The following TRAF7 variants were observed in gnomAD, a reference collection of about 807,000 sequenced individuals.
The protein encoded by TRAF7 is TNF receptor associated factor 7, also known as E3 ubiquitin-protein ligase TRAF7.
TRAF7 carries 45 observed loss-of-function variants against 89.3 expected under a neutral mutation model. The ratio of observed to expected loss-of-function variants is 0.50; its 90% CI spans 0.40 to 0.65. The LOEUF is 0.65. Ranked by LOEUF, TRAF7 falls within the 30% of genes least tolerant of loss-of-function variation. The pLI, the probability that TRAF7 is intolerant of heterozygous loss-of-function variation, is 0.00. For missense variants in TRAF7, 677 were observed against 918.1 expected, an observed-to-expected ratio of 0.74 and a Z score of 3.39; for synonymous variants, 406 against 369.2, an observed-to-expected ratio of 1.10 and a Z score of -1.14.
intron 11 of TRAF7, 53 bp downstream of exon 11, chr16:2,173,607 G>T: frequency 1.9e-6 from 3 of 1,599,890 alleles, no homozygotes; most frequent in Non-Finnish European, 2.6e-6. Flanking sequence ...GAGGCCGGCG[G>T]CCCCGGCAGG....
intron 2 of TRAF7, among the ~76,000 whole-genome samples, chr16:2,165,672 T>C (rs2093082987): frequency 6.7e-6 from 1 of 150,044 alleles, no homozygotes; most frequent in Non-Finnish European, 1.5e-5. Flanking sequence ...CCTGGTCGCA[T>C]GGTTAAGCGT....
intron 3 of TRAF7, among the ~76,000 whole-genome samples, chr16:2,166,650 C>T (rs1416987175): frequency 6.6e-6 from 1 of 152,220 alleles, no homozygotes; most frequent in Non-Finnish European, 1.5e-5. Flanking sequence ...GATCCTCCTG[C>T]CTTGGCCTCC....
chr16:2,175,207 T>A, intron 15 of TRAF7, 57 bp downstream of exon 15: 1 of 1,612,756 alleles, frequency 6.2e-7, no homozygotes, highest in East Asian at 2.2e-5. Flanking sequence ...CCCCAGTCTG[T>A]AGGTGCCCCA....
At chr16:2,174,478 G>A (rs1320424451) in intron 14 of TRAF7, 145 bp downstream of exon 14, 2 of 719,126 alleles carry the variant, frequency 2.8e-6, no homozygotes, top group South Asian at 1.8e-5. Flanking sequence ...GAGCAGCACT[G>A]TTTCCTGGGT....
chr16:2,170,877 G>A (rs1040534232), intron 5 of TRAF7, 147 bp downstream of exon 5: 25 of 784,808 alleles, frequency 3.2e-5, no homozygotes, highest in East Asian at 2.7e-4. Flanking sequence ...TTGCTGGTCC[G>A]TGGTGGGGAC....
At chr16:2,156,729 T>TG (rs5815111) in intron 1 of TRAF7, among the ~76,000 whole-genome samples, 123,157 of 136,854 alleles carry the variant, frequency 0.9, 55,147 homozygotes, top group East Asian at 0.97. Context: ...GGGTGCATGG[T>TG]GGGGTGGGGC....
rs537746306 is a variant in TRAF7, at chr16:2,156,391, C to T, written c.-39+533C>T. ...TGTCTCCATGCATTGGCAAATGCCTCCTGCGGAACAACTCCCCCCATCCCC... is the reference window on the plus strand; with the variant it reads ...TGTCTCCATGCATTGGCAAATGCCTTCTGCGGAACAACTCCCCCCATCCCC... On this transcript the variant is annotated intron_variant, in intron 1 of 20. Transcript: ENST00000326181. 2.0e-5 allele frequency among the ~76,000 whole-genome samples: 3 copies of T among 152,328 alleles called. No individual in the cohort carries two copies. The South Asian group carries it at 6.2e-4, about 32-fold the overall frequency.
chr16:2,174,764 T>C (rs1261256715), intron 14 of TRAF7, among the ~76,000 whole-genome samples: 2 of 152,140 alleles, frequency 1.3e-5, no homozygotes, highest in Non-Finnish European at 2.9e-5. Context: ...TGAGGCTTTG[T>C]GGGAGCGAGC....
Position 2,173,876 on chromosome 16 carries a change from C to T in TRAF7, c.1135+40C>T, listed in dbSNP as rs199630186. Reference sequence around the variant, plus strand: ...GCCGTGGCTCCCGCCCACCCTCCCCCCCGGGCCCCAACTGGGCCTTCACCC... The same window carrying T: ...GCCGTGGCTCCCGCCCACCCTCCCCTCCGGGCCCCAACTGGGCCTTCACCC... On this transcript the variant is annotated intron_variant, in intron 12 of 20. Transcript: ENST00000326181. 45 of 1,609,872 alleles carry T rather than the reference C, an allele frequency of 2.8e-5. No homozygotes were observed. In the Middle Eastern group the frequency reaches 5.2e-4, roughly 18 times the overall value.
At chr16:2,173,857 G>GCGGGGGGGCGCCCCCCCC in intron 12 of TRAF7, 21 bp downstream of exon 12, 1 of 1,607,510 alleles carries the variant, frequency 6.2e-7, no homozygotes, top group Non-Finnish European at 8.5e-7. Context: ...ACCCGCCGTG[G>GCGGGGGGGCGCCCCCCCC]CTCCCGCCCA....
chr16:2,175,184 C>A, intron 15 of TRAF7, 34 bp downstream of exon 15: 2 of 1,613,128 alleles, frequency 1.2e-6, no homozygotes, highest in Non-Finnish European at 1.7e-6. Flanking sequence ...GGGCAGGAGG[C>A]GGCCCAGGCC....
In TRAF7 at chr16:2,159,371, G is replaced by A. The variant is rs1172591372; in HGVS notation, c.-39+3513G>A. Among the ~76,000 whole-genome samples, 1 of 152,226 alleles carries A rather than the reference G, an allele frequency of 6.6e-6. No individual in the cohort carries two copies. The highest frequency in any genetic ancestry group is 1.5e-5 in the Non-Finnish European group (1 of 68,024). On this transcript the variant is annotated intron_variant, in intron 1 of 20. Coordinates refer to ENST00000326181, the MANE Select transcript of TRAF7 (RefSeq NM_032271.3). This position sits in a 1 kb window ranked among gnomAD's most constrained non-coding sequence, Gnocchi z 6.5. ...TGCTGGGGTTCTGAGGGGATCCTAA[G>A]GACCAAGGCTGGCAGAGGCCGGGGC...
At chr16:2,173,861 C>A (rs1567252713) in intron 12 of TRAF7, 25 bp downstream of exon 12, 31 of 626,524 alleles carry the variant, frequency 4.9e-5, no homozygotes, top group South Asian at 1.5e-4. Flanking sequence ...GCCGTGGCTC[C>A]CGCCCACCCT....
In TRAF7 at chr16:2,171,299, G is replaced by A. The variant is rs1483928359; in HGVS notation, c.384G>A (p.Lys128=). 6.4e-7 allele frequency: 1 copy of A among 1,556,176 alleles called. No homozygotes were observed. The highest frequency in any genetic ancestry group is 1.4e-5 in the African/African-American group (1 of 73,764). ...TGTTTGCGGAGCAGCCCTCGGTGAAGCTGTGCTGTCAGCTCTGCTGCAGCG... is the reference window on the plus strand; with the variant it reads ...TGTTTGCGGAGCAGCCCTCGGTGAAACTGTGCTGTCAGCTCTGCTGCAGCG... ...PLVFAEQPSV[K]LCCQLCCSVF... is the part of the protein sequence containing the mutation. The change falls in exon 6 of 21, where the codon AAG becomes AAA. Residue 128 remains lysine (K), a synonymous_variant. Transcript: ENST00000326181.
chr16:2,165,977 C>G (rs777553900), intron 3 of TRAF7, 41 bp downstream of exon 3: 5 of 1,612,126 alleles, frequency 3.1e-6, no homozygotes, highest in Non-Finnish European at 8.5e-7. Context: ...TGGGAATAAC[C>G]GGGGCACCCC....
rs1418096413 is a variant in TRAF7, at chr16:2,174,369, G to A, written c.1346+36G>A. 5.0e-6 allele frequency: 8 copies of A among 1,604,032 alleles called. No individual in the cohort carries two copies. In the South Asian group the frequency reaches 8.9e-5, roughly 18 times the overall value. ...GCACATGTGTGATCAGTGATTCCCAGGACAGGAGACGTGGCGCTGCCACCC... is the reference window on the plus strand; with the variant it reads ...GCACATGTGTGATCAGTGATTCCCAAGACAGGAGACGTGGCGCTGCCACCC... On this transcript the variant is annotated intron_variant, in intron 14 of 20. Transcript: ENST00000326181.
Position 2,163,036 on chromosome 16 carries a change from C to A in TRAF7, c.-38-847C>A, listed in dbSNP as rs2093063951. ...CCCCGGGCTCTGTCCTGGGTGTGAC[C>A]TGTTGGCTGGGTCTCTTTTTCTCTC... is the stretch of plus-strand genomic sequence containing the variant. On this transcript the variant is annotated intron_variant, in intron 1 of 20. Coordinates refer to ENST00000326181, the MANE Select transcript of TRAF7 (RefSeq NM_032271.3). This position sits in a 1 kb window ranked among gnomAD's most constrained non-coding sequence, Gnocchi z 4.3. Among the ~76,000 whole-genome samples the A allele has an allele frequency of 6.6e-6, 1 of 151,154 alleles. No individual in the cohort carries two copies. Among genetic ancestry groups the A allele is most frequent in the Non-Finnish European group, 1.5e-5 (1 of 67,790 alleles).
intron 1 of TRAF7, among the ~76,000 whole-genome samples, chr16:2,157,369 T>C (rs1202322413): frequency 6.6e-6 from 1 of 152,136 alleles, no homozygotes; most frequent in Admixed American, 6.5e-5. Flanking sequence ...TGAGGGTCTC[T>C]GGTGAAGTGA....
At chr16:2,156,367 G>A (rs1266985922) in intron 1 of TRAF7, among the ~76,000 whole-genome samples, 1 of 152,314 alleles carries the variant, frequency 6.6e-6, no homozygotes, top group African/African-American at 2.4e-5. Context: ...GATAACAAAT[G>A]TCTCCATGCA....
Sources: gnomAD v4.1 joint callset for allele counts (sites outside exome capture counted in the v4.1 genomes callset) on GRCh38, gnomAD v4.1.1 for gene constraint, Gnocchi (gnomAD v3.1) non-coding constraint, MANE v1.5 for transcripts, NCBI Gene and HGNC (gene_info 2026-07-23, HGNC 2026-07-21) for gene names.